STK32B: variants seen among roughly 807,000 people sequenced by gnomAD.
STK32B encodes serine/threonine kinase 32B, also known as serine/threonine-protein kinase 32B.
In STK32B, 43 loss-of-function variants were observed where a neutral mutation model predicts 52.6. That is an observed-to-expected ratio of 0.82 (90% CI 0.64 to 1.05). The LOEUF (loss-of-function observed/expected upper bound fraction) is 1.05. STK32B is among the 50% of genes least tolerant of loss of function. The pLI, the probability that STK32B is intolerant of heterozygous loss-of-function variation, is 0.00. For missense variants in STK32B, 621 were observed against 534.6 expected (o/e 1.16, Z -1.59); for synonymous variants, 238 against 204.3 (o/e 1.17, Z -1.41).
chr4:5,284,156 A>T (rs531989284), intron 3 of STK32B, among the ~76,000 whole-genome samples: 1 of 152,304 alleles, frequency 6.6e-6, no homozygotes, highest in South Asian at 2.1e-4. Context: ...TTATCATCTT[A>T]AATTAGGTTG....
At chr4:5,143,029 C>A (rs1716597405) in intron 2 of STK32B, among the ~76,000 whole-genome samples, 1 of 152,156 alleles carries the variant, frequency 6.6e-6, no homozygotes, top group African/African-American at 2.4e-5. Flanking sequence ...CTGTAAAAGT[C>A]AGAAGTCAGA....
chr4:5,450,887 G>T (rs1217350600), intron 7 of STK32B, among the ~76,000 whole-genome samples: 1 of 152,132 alleles, frequency 6.6e-6, no homozygotes, highest in African/African-American at 2.4e-5. Flanking sequence ...TGAGAGCAGA[G>T]GCTGGATCAC....
intron 3 of STK32B, among the ~76,000 whole-genome samples, chr4:5,295,132 T>C (rs1729115986): frequency 6.6e-6 from 1 of 152,204 alleles, no homozygotes; most frequent in African/African-American, 2.4e-5. Context: ...GCCAACTTAA[T>C]TGTGGTGGAT....
chr4:5,170,959 C>T (rs947650165), intron 3 of STK32B, among the ~76,000 whole-genome samples: 3 of 152,340 alleles, frequency 2.0e-5, no homozygotes, highest in Admixed American at 6.5e-5. Flanking sequence ...CACATCCTCT[C>T]CAGCACCTGT....
At chr4:5,029,497 G>T in the STK32B span, among the ~76,000 whole-genome samples, 1 of 152,130 alleles carries the variant, frequency 6.6e-6, no homozygotes, top group Non-Finnish European at 1.5e-5. Context: ...GTAGACAGTG[G>T]CCCCTGATTG....
At chr4:5,202,563 G>A (rs1228963520) in intron 3 of STK32B, among the ~76,000 whole-genome samples, 1 of 152,258 alleles carries the variant, frequency 6.6e-6, no homozygotes, top group Non-Finnish European at 1.5e-5. Context: ...GATTGCCCTA[G>A]TAGAGGTTCT....
intron 3 of STK32B, among the ~76,000 whole-genome samples, chr4:5,219,486 G>T (rs2008221): frequency 0.36 from 54,231 of 152,192 alleles, 10,600 homozygotes; most frequent in Non-Finnish European, 0.45. Context: ...CACTCAGCTT[G>T]CTGAAGTTGG....
intron 3 of STK32B, among the ~76,000 whole-genome samples, chr4:5,169,567 G>C (rs1447410498): frequency 6.6e-6 from 1 of 152,068 alleles, no homozygotes; most frequent in East Asian, 1.9e-4. Flanking sequence ...AGAAAATCAA[G>C]GTGTGCGTGC....
At chr4:5,095,588 C>T (rs1413728175) in intron 1 of STK32B, among the ~76,000 whole-genome samples, 1 of 152,208 alleles carries the variant, frequency 6.6e-6, no homozygotes, top group Non-Finnish European at 1.5e-5. Context: ...GCACTCCAAC[C>T]TGGGTGACAC....
chr4:5,475,223 C>A (rs1008217259), intron 11 of STK32B, among the ~76,000 whole-genome samples: 3 of 151,978 alleles, frequency 2.0e-5, no homozygotes, highest in African/African-American at 4.8e-5. Flanking sequence ...AGTTCAAGAC[C>A]AGCCTGGCCA....
chr4:5,483,963 T>C (rs1296287259), intron 11 of STK32B, among the ~76,000 whole-genome samples: 1 of 152,224 alleles, frequency 6.6e-6, no homozygotes, highest in Non-Finnish European at 1.5e-5. Context: ...CAGTTTGTTA[T>C]AATTTCTGTT....
chr4:5,127,352 C>G (rs1285085536), intron 1 of STK32B, among the ~76,000 whole-genome samples: 1 of 152,134 alleles, frequency 6.6e-6, no homozygotes, highest in Non-Finnish European at 1.5e-5. Flanking sequence ...CCAGGCAGCT[C>G]TTGAGTGCAG....
At chr4:5,343,303 T>C (rs1346411949) in intron 4 of STK32B, among the ~76,000 whole-genome samples, 2 of 152,140 alleles carry the variant, frequency 1.3e-5, no homozygotes, top group Non-Finnish European at 2.9e-5. Context: ...GGCTGCATAG[T>C]ATTCCATGGT....
At chr4:5,434,448 GTGTGTGTATATA>G (rs1246438921) in intron 6 of STK32B, among the ~76,000 whole-genome samples, 1 of 105,302 alleles carries the variant, frequency 9.5e-6, no homozygotes, top group Middle Eastern at 4.6e-3. Context: ...GTGTGTGTGT[GTGTGTGTATATA>G]TATATATATA....
At chr4:5,125,108 T>A (rs1394336095) in intron 1 of STK32B, among the ~76,000 whole-genome samples, 1 of 152,128 alleles carries the variant, frequency 6.6e-6, no homozygotes, top group East Asian at 1.9e-4. Flanking sequence ...GGGACCTTAG[T>A]CCTACAGCTG....
chr4:5,077,234 A>G (rs1266121900), intron 1 of STK32B, among the ~76,000 whole-genome samples: 2 of 152,188 alleles, frequency 1.3e-5, no homozygotes, highest in African/African-American at 4.8e-5. Flanking sequence ...ATGGTCCCCC[A>G]TGTCAGTTTA....
intron 3 of STK32B, among the ~76,000 whole-genome samples, chr4:5,248,283 A>C (rs957727167): frequency 1.3e-5 from 2 of 152,174 alleles, no homozygotes; most frequent in African/African-American, 4.8e-5. Context: ...TTCTATAGTA[A>C]CAAATTCAGG....
chr4:5,317,405 G>T (rs1039326993), intron 3 of STK32B, among the ~76,000 whole-genome samples: 2 of 15,162 alleles, frequency 1.3e-4, no homozygotes, highest in African/African-American at 1.1e-3. Context: ...TATATATAAT[G>T]TATATGTATT....
chr4:5,457,210 T>TC (rs1716611387), intron 8 of STK32B, among the ~76,000 whole-genome samples: 2 of 142,080 alleles, frequency 1.4e-5, no homozygotes, highest in South Asian at 4.6e-4. Flanking sequence ...GGTTTTTTTT[T>TC]TCTTTTTTTT....
Sources: gnomAD v4.1 joint callset for allele counts (sites outside exome capture counted in the v4.1 genomes callset) on GRCh38, gnomAD v4.1.1 for gene constraint, MANE v1.5 for transcripts, NCBI Gene and HGNC (gene_info 2026-07-23, HGNC 2026-07-21) for gene names.